The following COL5A2 variants were observed in gnomAD, a reference collection of about 807,000 sequenced individuals.
COL5A2 encodes collagen alpha-2(V) chain.
A neutral mutation model predicts 208.2 loss-of-function variants in COL5A2; 23 were observed. The ratio of observed to expected loss-of-function variants is 0.11; its 90% CI spans 0.08 to 0.16. The LOEUF is 0.16. COL5A2 is among the 10% of genes least tolerant of loss of function. The pLI is 1.00. For missense variants in COL5A2, 1,590 were observed against 1,956.4 expected, an observed-to-expected ratio of 0.81 and a Z score of 3.53; for synonymous variants, 625 against 628.5, an observed-to-expected ratio of 0.99 and a Z score of 0.08.
the COL5A2 span, among the ~76,000 whole-genome samples, chr2:189,330,451 A>G: frequency 3.3e-5 from 5 of 152,202 alleles, no homozygotes; most frequent in African/African-American, 1.2e-4. Flanking sequence ...TTTTACCAAA[A>G]GCAAAGCTGC....
the COL5A2 span, among the ~76,000 whole-genome samples, chr2:189,416,243 T>C: frequency 3.9e-5 from 6 of 152,232 alleles, no homozygotes; most frequent in Non-Finnish European, 5.9e-5. Context: ...GTCATGCTGC[T>C]ATACAGACAC....
In COL5A2 at chr2:189,051,550, G is replaced by T. The variant is rs1159603621; in HGVS notation, c.2770-69C>A. 4 of 1,413,010 alleles carry T rather than the reference G, an allele frequency of 2.8e-6. No homozygotes were observed. In the South Asian group the frequency reaches 4.4e-5, roughly 15 times the overall value. The allele number at this position is 1,413,010 out of a possible 1,614,324, so 87.5% of individuals were successfully genotyped here. ...GGCAAGTAAGAGTGATTGACATAACGCTGTCTGCCTCAGATGCAGATGTCC... is the reference window on the plus strand; with the variant it reads ...GGCAAGTAAGAGTGATTGACATAACTCTGTCTGCCTCAGATGCAGATGTCC... On this transcript the variant is annotated intron_variant, in intron 41 of 53. Transcript: ENST00000374866.
intron 35 of COL5A2, 105 bp downstream of exon 35, chr2:189,056,868 T>C (rs1685910752): frequency 1.9e-6 from 2 of 1,076,480 alleles, no homozygotes; most frequent in African/African-American, 1.5e-5. Context: ...AACTCCTGAC[T>C]ACCAAGGAAA....
intron 18 of COL5A2, among the ~76,000 whole-genome samples, chr2:189,071,231 G>A (rs745665717): frequency 2.0e-5 from 3 of 152,270 alleles, no homozygotes; most frequent in East Asian, 1.9e-4. Flanking sequence ...GTGACTGTCC[G>A]TGACCGCAGT....
chr2:189,102,777 T>C (rs1687072529), intron 3 of COL5A2, among the ~76,000 whole-genome samples: 1 of 152,116 alleles, frequency 6.6e-6, no homozygotes, highest in African/African-American at 2.4e-5. Flanking sequence ...AATCGGTCAA[T>C]GAGTTGTAAG....
intron 1 of COL5A2, among the ~76,000 whole-genome samples, chr2:189,169,242 T>C (rs1281197087): frequency 1.3e-5 from 2 of 152,186 alleles, no homozygotes; most frequent in Non-Finnish European, 2.9e-5. Context: ...CAGACAGGGA[T>C]GGTAGACAGG....
chr2:189,239,159 T>C, the COL5A2 span, among the ~76,000 whole-genome samples: 2 of 152,060 alleles, frequency 1.3e-5, no homozygotes, highest in Non-Finnish European at 2.9e-5. Context: ...ACAGGGAGTG[T>C]AGACCCAAGT....
chr2:189,083,083 T>C (rs1686571705), intron 12 of COL5A2, among the ~76,000 whole-genome samples: 1 of 152,154 alleles, frequency 6.6e-6, no homozygotes, highest in South Asian at 2.1e-4. Context: ...GTACTGTTGA[T>C]TGTACTGAGT....
At chr2:189,051,218 C>T (rs1448878926) in intron 42 of COL5A2, 102 bp downstream of exon 42, 1 of 1,464,580 alleles carries the variant, frequency 6.8e-7, no homozygotes, top group Non-Finnish European at 9.5e-7. Context: ...TAGGAATGTG[C>T]CCAGCATAAT....
the COL5A2 span, among the ~76,000 whole-genome samples, chr2:189,357,150 C>T: frequency 1.3e-5 from 2 of 152,168 alleles, no homozygotes; most frequent in African/African-American, 4.8e-5. Context: ...CCAGAGCTCT[C>T]CTGTAGGAGA....
At chr2:189,194,066 G>C (rs754722259) in intron 1 of COL5A2, among the ~76,000 whole-genome samples, 7 of 152,110 alleles carry the variant, frequency 4.6e-5, no homozygotes, top group Admixed American at 4.6e-4. Context: ...GTTAATAAAT[G>C]TTTAGAAGTC....
upstream of COL5A2, among the ~76,000 whole-genome samples, chr2:189,228,760 CAA>C (rs1228602528): frequency 6.6e-6 from 1 of 151,782 alleles, no homozygotes; most frequent in Non-Finnish European, 1.5e-5. Context: ...CAATTCTTTG[CAA>C]ACTCTTCCAA....
the COL5A2 span, among the ~76,000 whole-genome samples, chr2:189,245,586 G>A: frequency 4.0e-5 from 6 of 149,894 alleles, no homozygotes; most frequent in Admixed American, 2.7e-4. Context: ...CCGGGTTCAC[G>A]CCATTCTCCT....
At chr2:189,126,483 G>T (rs905842989) in intron 1 of COL5A2, among the ~76,000 whole-genome samples, 2 of 151,974 alleles carry the variant, frequency 1.3e-5, no homozygotes, top group Non-Finnish European at 2.9e-5. Context: ...TTCAAGAAAA[G>T]TGACAAGGCA....
In COL5A2 at chr2:189,041,468, C is replaced by T. The variant is rs59631824; in HGVS notation, c.3633+118G>A. On this transcript the variant is annotated intron_variant, in intron 50 of 53. Coordinates refer to ENST00000374866, the MANE Select transcript of COL5A2 (RefSeq NM_000393.5). ...TACTTATACTCTTGTGTGACTTCTA[C>T]GTTTGTTTTCGGGGTCCCTTAAGTC... 0.043 allele frequency: 35,017 copies of T among 805,230 alleles called. 903 individuals carry two copies. Among genetic ancestry groups the T allele is most frequent in the African/African-American group, 0.092 (5,516 of 59,638 alleles). 49.9% of individuals were successfully genotyped at this position (805,230 alleles called of 1,614,324 possible).
rs527928615 is a variant in COL5A2 at position 189,071,917 on chromosome 2, C to G, written c.1158+123G>C. ...TGTAATAATGAAAAATGAGCATACTCTAGGCTCTTTCCTTAGTTAAAAGTA... is the reference window on the plus strand; with the variant it reads ...TGTAATAATGAAAAATGAGCATACTGTAGGCTCTTTCCTTAGTTAAAAGTA... On this transcript the variant is annotated intron_variant, in intron 18 of 53. Coordinates refer to ENST00000374866, the MANE Select transcript of COL5A2 (RefSeq NM_000393.5). 119 of 674,978 alleles carry G rather than the reference C, an allele frequency of 1.8e-4. No homozygotes were observed. The African/African-American group carries it at 1.9e-3, about 11-fold the overall frequency. The allele number at this position is 674,978 out of a possible 1,614,324, so 41.8% of individuals were successfully genotyped here.
chr2:189,402,719 T>G, the COL5A2 span, among the ~76,000 whole-genome samples: 1 of 152,200 alleles, frequency 6.6e-6, no homozygotes, highest in South Asian at 2.1e-4. Flanking sequence ...GCAGTCTTAT[T>G]TACGGATTCT....
the COL5A2 span, among the ~76,000 whole-genome samples, chr2:189,255,587 A>G: frequency 2.0e-5 from 3 of 152,230 alleles, no homozygotes; most frequent in Non-Finnish European, 4.4e-5. Context: ...CTGCTATCTA[A>G]ATAACTACTT....
At chr2:189,317,794 T>C in the COL5A2 span, among the ~76,000 whole-genome samples, 3 of 152,140 alleles carry the variant, frequency 2.0e-5, no homozygotes, top group Non-Finnish European at 4.4e-5. Flanking sequence ...CAGATTGCAT[T>C]ATAGGTAAAA....
Sources: allele counts gnomAD v4.1 joint callset (sites outside exome capture counted in the v4.1 genomes callset), GRCh38; gene constraint gnomAD v4.1.1; transcripts MANE v1.5; gene names NCBI Gene and HGNC (gene_info 2026-07-23, HGNC 2026-07-21).